PDIA5: variants seen among roughly 807,000 people sequenced by gnomAD.
The protein encoded by PDIA5 is protein disulfide-isomerase A5.
In PDIA5, 58 loss-of-function variants were observed where a neutral mutation model predicts 77.6. That is an observed-to-expected ratio of 0.75 (90% CI 0.61 to 0.93). The LOEUF (loss-of-function observed/expected upper bound fraction) is 0.93, where lower values mean the gene tolerates loss of function less well. PDIA5 is among the 40% of genes least tolerant of loss of function. The probability of loss-of-function intolerance (pLI) is 0.00; values close to 1 mark genes in which losing one functional copy is unlikely to be tolerated. For synonymous variants in PDIA5, 250 were observed against 252.1 expected, an observed-to-expected ratio of 0.99 and a Z score of 0.08; for missense variants, 630 against 647.7, an observed-to-expected ratio of 0.97 and a Z score of 0.30.
chr3:123,145,447 T>C, intron 11 of PDIA5, 75 bp from the exon 12 acceptor site: 1 of 1,098,632 alleles, frequency 9.1e-7, no homozygotes, highest in Non-Finnish European at 1.4e-6. Context: ...TGAGCTGCCT[T>C]ACAGAGGCGG....
At chr3:123,157,198 G>T (rs752981216) in intron 15 of PDIA5, among the ~76,000 whole-genome samples, 2 of 152,208 alleles carry the variant, frequency 1.3e-5, no homozygotes, top group Non-Finnish European at 2.9e-5. Context: ...TGAGGCAGGT[G>T]GCCTGCCTGG....
At chr3:123,068,570 C>G (rs1221932702) in intron 1 of PDIA5, among the ~76,000 whole-genome samples, 3 of 152,220 alleles carry the variant, frequency 2.0e-5, no homozygotes, top group African/African-American at 7.2e-5. Context: ...GAAACGCCCC[C>G]CATCGGTCTT....
intron 1 of PDIA5, among the ~76,000 whole-genome samples, chr3:123,070,199 T>C (rs1022880611): frequency 6.6e-6 from 1 of 152,224 alleles, no homozygotes; most frequent in African/African-American, 2.4e-5. Flanking sequence ...AAACATTTTA[T>C]GATGTTTATG....
chr3:123,083,863 A>C (rs1489489355), intron 1 of PDIA5, among the ~76,000 whole-genome samples: 1 of 152,096 alleles, frequency 6.6e-6, no homozygotes, highest in Non-Finnish European at 1.5e-5. Context: ...GTTAAAATAG[A>C]CTGAAGTGGA....
rs1934878707 is a variant in PDIA5, at chr3:123,112,155, T to G, written c.541+1151T>G. On this transcript the variant is annotated intron_variant, in intron 7 of 16. Coordinates refer to ENST00000316218, the MANE Select transcript of PDIA5 (RefSeq NM_006810.4). The stretch of plus-strand genomic sequence containing the variant: ...CCACAGATTGAAAATAACCCTGGAT[T>G]TGAGCCTGCCAAGGCCCTTTGTGCT... Among the ~76,000 whole-genome samples, 3 of 152,216 alleles carry G rather than the reference T, an allele frequency of 2.0e-5. No individual in the cohort carries two copies. The South Asian group carries it at 6.2e-4, about 32-fold the overall frequency.
intron 8 of PDIA5, among the ~76,000 whole-genome samples, chr3:123,118,596 A>T (rs1009669942): frequency 6.6e-6 from 1 of 152,188 alleles, no homozygotes; most frequent in Non-Finnish European, 1.5e-5. Flanking sequence ...CACAGAGCTC[A>T]TCCCTGTCAC....
chr3:123,087,012 G>C (rs1560502115), intron 1 of PDIA5, among the ~76,000 whole-genome samples: 1 of 152,158 alleles, frequency 6.6e-6, no homozygotes, highest in Non-Finnish European at 1.5e-5. Context: ...TCTTTTGTAT[G>C]TTGTATTTAT....
chr3:123,084,808 T>C (rs968442650), intron 1 of PDIA5, among the ~76,000 whole-genome samples: 1 of 152,208 alleles, frequency 6.6e-6, no homozygotes, highest in African/African-American at 2.4e-5. Flanking sequence ...GGCTTTTGCA[T>C]TGATCTGTGT....
intron 8 of PDIA5, among the ~76,000 whole-genome samples, chr3:123,118,887 G>A (rs560750230): frequency 9.9e-5 from 15 of 152,226 alleles, no homozygotes; most frequent in Admixed American, 5.9e-4. Context: ...TATTAAGGCC[G>A]GAAGCATAGT....
At chr3:123,144,006 A>G (rs1042416802) in intron 11 of PDIA5, among the ~76,000 whole-genome samples, 1 of 152,182 alleles carries the variant, frequency 6.6e-6, no homozygotes, top group Non-Finnish European at 1.5e-5. Context: ...TGGGAGGGAC[A>G]GGGTGAGGAT....
intron 10 of PDIA5, among the ~76,000 whole-genome samples, chr3:123,124,966 T>C (rs767176697): frequency 2.0e-5 from 3 of 152,206 alleles, no homozygotes; most frequent in Non-Finnish European, 4.4e-5. Flanking sequence ...TTTTATAACA[T>C]GATTAGATCC....
chr3:123,144,737 A>G (rs1443166849), intron 11 of PDIA5: 4 of 152,106 alleles, frequency 2.6e-5, no homozygotes, highest in Non-Finnish European at 5.9e-5. Flanking sequence ...GTACAAAAAA[A>G]ATTAGCCGGG....
rs750125771 is a variant in PDIA5 at position 123,116,290 on chromosome 3, G to T, written c.601G>T (p.Gly201Cys). Residue 201 changes from glycine (G) to cysteine (C), a missense_variant, in exon 8 of 17, where the codon GGC becomes TGC. Physicochemically the swap from Gly to Cys is radical, Grantham distance 159 (BLOSUM62 -3). Coordinates refer to ENST00000316218, the MANE Select transcript of PDIA5 (RefSeq NM_006810.4). ...HFQKAATQLRGHAVLAGMNVY... is the reference protein window; with the variant it reads ...HFQKAATQLRCHAVLAGMNVY... ...CCAGAAGGCTGCGACTCAGCTGCGA[G>T]GCCACGCCGTAAGTGAGGCGCCATT... 8 of 1,613,190 alleles carry T rather than the reference G, an allele frequency of 5.0e-6. No individual in the cohort carries two copies. The Admixed American group carries it at 1.3e-4, about 27-fold the overall frequency.
intron 1 of PDIA5, among the ~76,000 whole-genome samples, chr3:123,074,912 T>C (rs1933812477): frequency 6.6e-6 from 1 of 152,200 alleles, no homozygotes; most frequent in Non-Finnish European, 1.5e-5. Flanking sequence ...TACTGGAGTA[T>C]TGTATAAGAA....
chr3:123,144,098 T>C (rs1330124633), intron 11 of PDIA5, among the ~76,000 whole-genome samples: 1 of 151,760 alleles, frequency 6.6e-6, no homozygotes. Flanking sequence ...TGGAGCTGAG[T>C]TCTGCAGAAA....
At chr3:123,158,508 T>C (rs1936072338) in intron 15 of PDIA5, among the ~76,000 whole-genome samples, 2 of 152,176 alleles carry the variant, frequency 1.3e-5, no homozygotes, top group African/African-American at 4.8e-5. Context: ...AGGTGTTTTA[T>C]GGGCAGATGA....
intron 15 of PDIA5, among the ~76,000 whole-genome samples, chr3:123,159,768 C>A (rs1429449958): frequency 1.3e-5 from 2 of 152,032 alleles, no homozygotes; most frequent in Admixed American, 6.6e-5. Flanking sequence ...AGAAGGGAAG[C>A]GTGAGGGTGA....
intron 14 of PDIA5, among the ~76,000 whole-genome samples, chr3:123,154,191 C>T (rs1384377963): frequency 1.3e-5 from 2 of 152,142 alleles, no homozygotes; most frequent in African/African-American, 2.4e-5. Context: ...GGGTGATGCC[C>T]AGAACAAGAG....
At chr3:123,084,828 C>T (rs561349745) in intron 1 of PDIA5, among the ~76,000 whole-genome samples, 5 of 152,288 alleles carry the variant, frequency 3.3e-5, no homozygotes, top group East Asian at 3.9e-4. Flanking sequence ...TCTCTCCACG[C>T]GGGCAGCCAC....
Sources: gnomAD v4.1 joint callset for allele counts (sites outside exome capture counted in the v4.1 genomes callset) on GRCh38, gnomAD v4.1.1 for gene constraint, MANE v1.5 for transcripts, NCBI Gene and HGNC (gene_info 2026-07-23, HGNC 2026-07-21) for gene names.